DPP6: variants seen among roughly 807,000 people sequenced by gnomAD.
DPP6 encodes the protein A-type potassium channel modulatory protein DPP6.
In DPP6, 69 loss-of-function variants were observed where a neutral mutation model predicts 122.6. The ratio of observed to expected loss-of-function variants is 0.56; its 90% CI spans 0.46 to 0.69. DPP6 has a LOEUF of 0.69. DPP6 is among the 30% of genes least tolerant of loss of function. The pLI is 0.00. For synonymous variants in DPP6, 418 were observed against 433.1 expected (o/e 0.97, Z 0.43); for missense variants, 928 against 1,116.9 (o/e 0.83, Z 2.41).
intron 1 of DPP6, among the ~76,000 whole-genome samples, chr7:154,349,928 T>G (rs962300133): frequency 2.6e-5 from 4 of 152,244 alleles, no homozygotes; most frequent in African/African-American, 7.2e-5. Context: ...GGTAATCCTT[T>G]GAGTCAGGAA....
intron 24 of DPP6, 50 bp from the exon 25 acceptor site, chr7:154,889,407 T>C (rs886490616): frequency 2.5e-6 from 4 of 1,602,990 alleles, no homozygotes; most frequent in South Asian, 1.1e-5. Flanking sequence ...GATGGCACCA[T>C]GGGTTTTAAC....
chr7:154,689,241 C>A (rs13228858), intron 7 of DPP6, among the ~76,000 whole-genome samples: 1 of 152,104 alleles, frequency 6.6e-6, no homozygotes, highest in Non-Finnish European at 1.5e-5. Flanking sequence ...TTGGGAATGA[C>A]CTTGGTCAGT....
chr7:154,693,550 C>T (rs560597131), intron 7 of DPP6, among the ~76,000 whole-genome samples: 1 of 152,090 alleles, frequency 6.6e-6, no homozygotes, highest in Non-Finnish European at 1.5e-5. Flanking sequence ...CTCATTCAGC[C>T]GAGCCAGCCT....
intron 3 of DPP6, among the ~76,000 whole-genome samples, chr7:154,478,760 G>C (rs533472018): frequency 6.6e-6 from 1 of 152,210 alleles, no homozygotes; most frequent in South Asian, 2.1e-4. Context: ...AATTTCTTTT[G>C]CAACCTTAGT....
intron 7 of DPP6, among the ~76,000 whole-genome samples, chr7:154,717,604 C>T (rs184581160): frequency 6.6e-6 from 1 of 152,214 alleles, no homozygotes; most frequent in East Asian, 1.9e-4. Flanking sequence ...ATACTATTTC[C>T]TTGTATACAT....
the DPP6 span, among the ~76,000 whole-genome samples, chr7:153,879,871 T>C: frequency 1.3e-5 from 2 of 152,200 alleles, no homozygotes; most frequent in South Asian, 2.1e-4. Flanking sequence ...ATTACCTCAT[T>C]GGAGGAAGAG....
At chr7:153,971,024 C>T (rs1350916006) in intron 1 of DPP6, among the ~76,000 whole-genome samples, 1 of 151,808 alleles carries the variant, frequency 6.6e-6, no homozygotes, top group Non-Finnish European at 1.5e-5. Flanking sequence ...TGCAGAAAAT[C>T]CACTTAGAAT....
intron 5 of DPP6, among the ~76,000 whole-genome samples, chr7:154,631,092 AGAAGATACAT>A (rs1304103367): frequency 2.0e-5 from 3 of 152,250 alleles, no homozygotes; most frequent in Non-Finnish European, 2.9e-5. Flanking sequence ...TTTAGAACTC[AGAAGATACAT>A]GAAGCATAAA....
intron 16 of DPP6, among the ~76,000 whole-genome samples, chr7:154,853,532 A>G (rs879499457): frequency 3.9e-5 from 6 of 152,258 alleles, no homozygotes; most frequent in African/African-American, 7.2e-5. Context: ...CATTACAATA[A>G]TCTGAAAATA....
At chr7:153,845,038 T>G in the DPP6 span, among the ~76,000 whole-genome samples, 2 of 152,142 alleles carry the variant, frequency 1.3e-5, no homozygotes, top group Non-Finnish European at 2.9e-5. Context: ...GGAAACATAA[T>G]TTAGAAGGAA....
the DPP6 span, among the ~76,000 whole-genome samples, chr7:153,772,816 C>G: frequency 6.7e-6 from 1 of 148,226 alleles, no homozygotes; most frequent in African/African-American, 2.5e-5. Flanking sequence ...ATATCATATA[C>G]AAGACTTTTG....
chr7:154,045,286 G>T (rs1799965779), intron 1 of DPP6, among the ~76,000 whole-genome samples: 1 of 150,806 alleles, frequency 6.6e-6, no homozygotes, highest in Admixed American at 6.6e-5. Flanking sequence ...GAGAATCCTT[G>T]TCCAATCCTT....
At chr7:154,807,648 C>T (rs1798784209) in intron 16 of DPP6, among the ~76,000 whole-genome samples, 1 of 152,096 alleles carries the variant, frequency 6.6e-6, no homozygotes, top group African/African-American at 2.4e-5. Flanking sequence ...ATGGCGAAAT[C>T]CCGTCTCTAC....
intron 1 of DPP6, among the ~76,000 whole-genome samples, chr7:153,918,575 T>A (rs1224897502): frequency 0.03 from 1,277 of 42,704 alleles, 14 homozygotes; most frequent in East Asian, 0.047. Flanking sequence ...AGTCTCTCTC[T>A]CTCTCTCTCT....
Position 154,257,653 on chromosome 7 carries a change from C to T in DPP6, c.244-188561C>T, listed in dbSNP as rs933844642. 3.3e-5 allele frequency among the ~76,000 whole-genome samples: 5 copies of T among 152,142 alleles called. No homozygotes were observed. The East Asian group carries it at 5.8e-4, about 18-fold the overall frequency. ...CAGAGATTGCAGTGAGCCAAGATGG[C>T]GCCACTGCACTCCAGCCTGGGCAAC... On this transcript the variant is annotated intron_variant, in intron 1 of 25. Transcript: ENST00000377770.
At chr7:154,043,417 AAAAAAAAAAAAAAAAAAAAAG>A in intron 1 of DPP6, among the ~76,000 whole-genome samples, 1 of 111,724 alleles carries the variant, frequency 9.0e-6, no homozygotes, top group Non-Finnish European at 2.0e-5. Flanking sequence ...AAAAAAAAAA[AAAAAAAAAAAAAAAAAAAAAG>A]GACCTATTCC....
the DPP6 span, among the ~76,000 whole-genome samples, chr7:153,800,029 T>TA: frequency 1.3e-5 from 2 of 152,130 alleles, no homozygotes; most frequent in African/African-American, 2.4e-5. Context: ...TCTCAAAAAC[T>TA]AAAAATAGAT....
chr7:153,895,029 A>G (rs1748439803), intron 1 of DPP6, among the ~76,000 whole-genome samples: 1 of 152,184 alleles, frequency 6.6e-6, no homozygotes. Context: ...CAGGGAAAAG[A>G]TGAGGAAACA....
chr7:154,041,759 GTTGT>G (rs990174973), intron 1 of DPP6, among the ~76,000 whole-genome samples: 5 of 151,178 alleles, frequency 3.3e-5, no homozygotes, highest in African/African-American at 9.7e-5. Flanking sequence ...TGTTTTTTTT[GTTGT>G]TTGTTTGTTT....
Sources: gnomAD v4.1 joint callset for allele counts (sites outside exome capture counted in the v4.1 genomes callset) on GRCh38, gnomAD v4.1.1 for gene constraint, MANE v1.5 for transcripts, NCBI Gene and HGNC (gene_info 2026-07-23, HGNC 2026-07-21) for gene names.